NEK5: variants seen among roughly 807,000 people sequenced by gnomAD.
The protein encoded by NEK5 is NIMA related kinase 5, also known as serine/threonine-protein kinase Nek5.
In NEK5, 88 loss-of-function variants were observed where a neutral mutation model predicts 109.2. That is an observed-to-expected ratio of 0.81 (90% CI 0.68 to 0.96). NEK5 has a LOEUF of 0.96. NEK5 is among the 40% of genes least tolerant of loss of function. The pLI is 0.00. For synonymous variants in NEK5, 283 were observed against 299.9 expected (o/e 0.94, Z 0.58); for missense variants, 834 against 920.7 (o/e 0.91, Z 1.22).
At chr13:52,065,994 G>A (rs1954684474) in intron 20 of NEK5, among the ~76,000 whole-genome samples, 1 of 136,420 alleles carries the variant, frequency 7.3e-6, no homozygotes, top group South Asian at 2.4e-4. Context: ...TAGAAAATCT[G>A]AAAATCAGGT....
intron 12 of NEK5, among the ~76,000 whole-genome samples, chr13:52,097,530 T>C (rs1392326705): frequency 2.0e-5 from 3 of 152,226 alleles, no homozygotes; most frequent in Non-Finnish European, 2.9e-5. Context: ...CTGCTAGGTT[T>C]TGAATTTGCA....
At chr13:52,118,015 G>A (rs1431784017) in intron 4 of NEK5, among the ~76,000 whole-genome samples, 1 of 152,152 alleles carries the variant, frequency 6.6e-6, no homozygotes, top group Non-Finnish European at 1.5e-5. Context: ...CATGTGTACT[G>A]TTCTGCTCCC....
intron 11 of NEK5, among the ~76,000 whole-genome samples, chr13:52,100,215 C>A (rs1037274983): frequency 4.0e-5 from 6 of 151,872 alleles, no homozygotes; most frequent in African/African-American, 1.5e-4. Context: ...CTTGGGTTAT[C>A]AGGCCACTCC....
intron 22 of NEK5, among the ~76,000 whole-genome samples, chr13:52,054,509 CA>C (rs1412991374): frequency 2.0e-5 from 3 of 152,124 alleles, no homozygotes; most frequent in African/African-American, 7.2e-5. Context: ...TTAGGTTTTC[CA>C]AAAAGACAGC....
chr13:52,078,459 CT>C (rs1242472875), intron 17 of NEK5, among the ~76,000 whole-genome samples: 2 of 152,146 alleles, frequency 1.3e-5, no homozygotes, highest in Non-Finnish European at 2.9e-5. Flanking sequence ...GCGCAACAAA[CT>C]TTTGCAGGTG....
chr13:52,065,645 A>T (rs1395785009), intron 20 of NEK5, 36 bp from the exon 21 acceptor site: 1 of 1,488,334 alleles, frequency 6.7e-7, no homozygotes. Flanking sequence ...ATTCGAAAGC[A>T]GTCAAAGTGT....
intron 17 of NEK5, among the ~76,000 whole-genome samples, chr13:52,082,472 A>C (rs1435607022): frequency 6.6e-6 from 1 of 152,204 alleles, no homozygotes; most frequent in Non-Finnish European, 1.5e-5. Context: ...GTAACCATAA[A>C]AGCATTGTTT....
At chr13:52,064,371 G>T (rs1476757737) in intron 21 of NEK5, among the ~76,000 whole-genome samples, 2 of 141,854 alleles carry the variant, frequency 1.4e-5, no homozygotes, top group East Asian at 2.2e-4. Flanking sequence ...CAGCCCCCCC[G>T]CCCGGCCAGC....
In NEK5 at chr13:52,050,068, G is replaced by C. The variant is rs781325044; in HGVS notation, c.2228+36C>G. 1.5e-5 allele frequency: 12 copies of C among 780,078 alleles called. No individual in the cohort carries two copies. In the Admixed American group the frequency reaches 2.5e-4, roughly 16 times the overall value. The allele number at this position is 780,078 out of a possible 1,614,324, so 48.3% of individuals were successfully genotyped here. ...ACTGCAGCATTTTCACTTTGTACCA[G>C]TGCTCGACTTAGGTATCGGCAAATG... On this transcript the variant is annotated intron_variant, in intron 23 of 23. Coordinates refer to ENST00000684899, the MANE Select transcript of NEK5 (RefSeq NM_001365552.1).
intron 16 of NEK5, 124 bp from the exon 17 acceptor site, chr13:52,083,476 G>A (rs377020427): frequency 1.8e-4 from 113 of 626,048 alleles, no homozygotes; most frequent in South Asian, 1.4e-3. Flanking sequence ...CCTTTTCCCC[G>A]CCACAGCTTC....
At chr13:52,092,364 A>C (rs1035196227) in intron 13 of NEK5, among the ~76,000 whole-genome samples, 3 of 152,160 alleles carry the variant, frequency 2.0e-5, no homozygotes, top group African/African-American at 7.2e-5. Context: ...AGATGTCAAC[A>C]GATTTGATTT....
At chr13:52,084,890 C>T (rs1010413077) in intron 16 of NEK5, among the ~76,000 whole-genome samples, 20 of 151,322 alleles carry the variant, frequency 1.3e-4, no homozygotes, top group African/African-American at 4.9e-4. Flanking sequence ...CCCACCTCAG[C>T]CTTTCAAATT....
intron 16 of NEK5, among the ~76,000 whole-genome samples, chr13:52,084,713 G>A (rs1955083940): frequency 7.9e-6 from 1 of 127,132 alleles, no homozygotes; most frequent in African/African-American, 2.9e-5. Context: ...AATTTAAAGA[G>A]AGAGAGAGAG....
chr13:52,083,511 T>C (rs550459799), intron 16 of NEK5, among the ~76,000 whole-genome samples, 159 bp from the exon 17 acceptor site: 7 of 152,006 alleles, frequency 4.6e-5, no homozygotes, highest in Non-Finnish European at 1.0e-4. Context: ...CCTTCCTCCA[T>C]AGCCTCTGTA....
At chr13:52,038,916 C>A (rs1954391277) in intron 23 of NEK5, among the ~76,000 whole-genome samples, 1 of 149,480 alleles carries the variant, frequency 6.7e-6, no homozygotes, top group South Asian at 2.1e-4. Flanking sequence ...ATTTAGAGAA[C>A]ATGGGGGCAA....
In NEK5 at chr13:52,080,356, C is replaced by A. The variant is rs1322666485; in HGVS notation, c.1572+2904G>T. Among the ~76,000 whole-genome samples, 58 of 151,386 alleles carry A rather than the reference C, an allele frequency of 3.8e-4. 2 individuals carry two copies. Among genetic ancestry groups the A allele is most frequent in the African/African-American group, 1.3e-3 (55 of 41,386 alleles). ...GCCGCCCCTACTGGGAAGTGAGAAG[C>A]CCCTCTGCCCGGCCACCACCCCGTC... On this transcript the variant is annotated intron_variant, in intron 17 of 23. Transcript: ENST00000684899.
chr13:52,113,977 C>T (rs1248077978), intron 4 of NEK5, among the ~76,000 whole-genome samples: 2 of 152,208 alleles, frequency 1.3e-5, no homozygotes, highest in Non-Finnish European at 2.9e-5. Flanking sequence ...GCCTCCAGAA[C>T]TGCCAGAAAT....
At chr13:52,089,108 A>AACAACAACAAC (rs372510741) in intron 14 of NEK5, 139 bp downstream of exon 14, 16 of 159,146 alleles carry the variant, frequency 1.0e-4, no homozygotes, top group Non-Finnish European at 1.6e-4. Context: ...ACAACAACAA[A>AACAACAACAAC]AACAAAAACA....
intron 15 of NEK5, 89 bp from the exon 16 acceptor site, chr13:52,086,452 T>G (rs1955145441): frequency 1.2e-6 from 1 of 833,348 alleles, no homozygotes. Flanking sequence ...TTCAAAAGTG[T>G]GTAATATAAA....
Sources: gnomAD v4.1 joint callset for allele counts (sites outside exome capture counted in the v4.1 genomes callset) on GRCh38, gnomAD v4.1.1 for gene constraint, MANE v1.5 for transcripts, NCBI Gene and HGNC (gene_info 2026-07-23, HGNC 2026-07-21) for gene names.